The following NOPCHAP1 variants were observed in gnomAD, a reference collection of about 807,000 sequenced individuals.
The protein encoded by NOPCHAP1 is DNA damage-sensitive RNA 1.
In NOPCHAP1, 13 loss-of-function variants were observed where a neutral mutation model predicts 14.0. That is an observed-to-expected ratio of 0.93 (90% CI 0.60 to 1.47). NOPCHAP1 has a LOEUF of 1.47. Among genes scored for constraint, NOPCHAP1 ranks in the 40% most tolerant of loss-of-function variants. The pLI is 0.00. For synonymous variants in NOPCHAP1, 78 were observed against 78.4 expected (o/e 1.00, Z 0.03); for missense variants, 230 against 226.9 (o/e 1.01, Z -0.09).
chr12:105,011,696 A>G lies in NOPCHAP1; in HGVS notation c.*17000A>G, dbSNP rs1401553817. ...GTAAGGCAGGCCTGGTGGTGACAAA[A>G]TCTCTCAGCATTTGCTTGTCTGTAA... On this transcript the variant is annotated 3_prime_UTR_variant, in exon 4 of 4. Coordinates refer to ENST00000552951, the MANE Select transcript of NOPCHAP1 (RefSeq NM_152318.3). The G allele has an allele frequency of 6.6e-6, 1 of 152,052 alleles. No homozygotes were observed. Among genetic ancestry groups the G allele is most frequent in the African/African-American group, 2.4e-5 (1 of 41,392 alleles). The allele number at this position is 152,052 out of a possible 1,614,324, so 9.4% of individuals were successfully genotyped here. A position where few individuals can be genotyped will look rare whatever the true frequency, so the allele number is the denominator to read the frequency against.
At chr12:104,986,512 A>G in intron 1 of NOPCHAP1, 45 bp downstream of exon 1, 2 of 1,498,292 alleles carry the variant, frequency 1.3e-6, no homozygotes, top group East Asian at 5.0e-5. Flanking sequence ...CGTGCGGCAG[A>G]GGAGGCGCGG....
chr12:104,991,694 T>C lies in NOPCHAP1; in HGVS notation c.203-18T>C. 6.3e-7 allele frequency: 1 copy of C among 1,582,608 alleles called. No individual in the cohort carries two copies. Among genetic ancestry groups the C allele is most frequent in the Non-Finnish European group, 8.5e-7 (1 of 1,170,126 alleles). On this transcript the variant is annotated intron_variant, in intron 2 of 3. Coordinates refer to ENST00000552951, the MANE Select transcript of NOPCHAP1 (RefSeq NM_152318.3). The stretch of plus-strand genomic sequence containing the variant: ...TTTACTAGCATAAATGTTGATATGC[T>C]GTATTTACTTTCCACAGTATTGGAC...
At position 105,004,874 on chromosome 12, in the gene NOPCHAP1, A is replaced by C. The variant is rs1873676408; in HGVS notation, c.*10178A>C. On this transcript the variant is annotated 3_prime_UTR_variant, in exon 4 of 4. Coordinates refer to ENST00000552951, the MANE Select transcript of NOPCHAP1 (RefSeq NM_152318.3). ...AGCCTTAGTGAAACATAAATAGTTA[A>C]CACATATTGTATATGTTATATGTAT... The C allele has an allele frequency of 6.6e-6, 1 of 152,220 alleles. No homozygotes were observed. The highest frequency in any genetic ancestry group is 2.1e-4 in the South Asian group (1 of 4,834). The allele number at this position is 152,220 out of a possible 1,614,324, so 9.4% of individuals were successfully genotyped here.
rs890057140 is a variant in NOPCHAP1, at chr12:105,008,248, G to T, written c.*13552G>T. On this transcript the variant is annotated 3_prime_UTR_variant, in exon 4 of 4. Transcript: ENST00000552951. ...CATTTCTCTAATAACCAGTGATGAT[G>T]AGCTTTTTTCATGTTTGTTGGCCGC... 2.6e-5 allele frequency: 4 copies of T among 152,198 alleles called. No individual in the cohort carries two copies. Among genetic ancestry groups the T allele is most frequent in the African/African-American group, 9.6e-5 (4 of 41,452 alleles). 9.4% of individuals were successfully genotyped at this position (152,198 alleles called of 1,614,324 possible).
At chr12:104,991,544 C>T (rs1205463670) in intron 2 of NOPCHAP1, among the ~76,000 whole-genome samples, 168 bp from the exon 3 acceptor site, 1 of 152,016 alleles carries the variant, frequency 6.6e-6, no homozygotes, top group African/African-American at 2.4e-5. Flanking sequence ...ATTGTGTAGT[C>T]CTACTGTTTT....
rs965139711 is a variant in NOPCHAP1, at chr12:105,010,177, C to T, written c.*15481C>T. 3 of 152,092 alleles carry T rather than the reference C, an allele frequency of 2.0e-5. No individual in the cohort carries two copies. Among genetic ancestry groups the T allele is most frequent in the Non-Finnish European group, 4.4e-5 (3 of 68,024 alleles). The allele number at this position is 152,092 out of a possible 1,614,324, so 9.4% of individuals were successfully genotyped here. A position where few individuals can be genotyped will look rare whatever the true frequency, so the allele number is the denominator to read the frequency against. ...GGTCTATTCAGGGATTCAACGTTTT[C>T]CTGGTTTAATCTTGGGAGAGTGTAT... is the stretch of plus-strand genomic sequence containing the variant. On this transcript the variant is annotated 3_prime_UTR_variant, in exon 4 of 4. Coordinates refer to ENST00000552951, the MANE Select transcript of NOPCHAP1 (RefSeq NM_152318.3).
rs990298930 is a variant in NOPCHAP1 at position 105,010,823 on chromosome 12, G to A, written c.*16127G>A. ...CTTAATCCTGAGTTTTAATTTGATT[G>A]CACTGTGGTCTGAGAGACCATTTGT... On this transcript the variant is annotated 3_prime_UTR_variant, in exon 4 of 4. Coordinates refer to ENST00000552951, the MANE Select transcript of NOPCHAP1 (RefSeq NM_152318.3). 7 of 152,146 alleles carry A rather than the reference G, an allele frequency of 4.6e-5. No individual in the cohort carries two copies. The highest frequency in any genetic ancestry group is 1.7e-4 in the African/African-American group (7 of 41,434). 9.4% of individuals were successfully genotyped at this position (152,146 alleles called of 1,614,324 possible).
chr12:104,996,019 A>T lies in NOPCHAP1; in HGVS notation c.*1323A>T, dbSNP rs187502446. The T allele has an allele frequency of 6.6e-6, 1 of 151,986 alleles. No homozygotes were observed. Among genetic ancestry groups the T allele is most frequent in the African/African-American group, 2.4e-5 (1 of 41,394 alleles). The allele number at this position is 151,986 out of a possible 1,614,324, so 9.4% of individuals were successfully genotyped here. The stretch of plus-strand genomic sequence containing the variant: ...TAGCTTATCTTTATTTTCTTCATCT[A>T]TTCCAAGGTTGGTGCAAATTTCAAT... On this transcript the variant is annotated 3_prime_UTR_variant, in exon 4 of 4. Coordinates refer to ENST00000552951, the MANE Select transcript of NOPCHAP1 (RefSeq NM_152318.3).
rs1252974098 is a variant in NOPCHAP1 at position 105,009,244 on chromosome 12, T to G, written c.*14548T>G. ...TTATTATCTTTGTAGCAATTGTGAA[T>G]GGTAGTTCACTCATGATTTGGCTCT... On this transcript the variant is annotated 3_prime_UTR_variant, in exon 4 of 4. Transcript: ENST00000552951. 6.6e-6 allele frequency: 1 copy of G among 152,240 alleles called. No homozygotes were observed. Among genetic ancestry groups the G allele is most frequent in the Non-Finnish European group, 1.5e-5 (1 of 68,044 alleles). The allele number at this position is 152,240 out of a possible 1,614,324, so 9.4% of individuals were successfully genotyped here.
At position 104,999,054 on chromosome 12, in the gene NOPCHAP1, T is replaced by TG. The variant is rs1873556116; in HGVS notation, c.*4362dup. 6.6e-6 allele frequency: 1 copy of TG among 152,638 alleles called. No homozygotes were observed. The highest frequency in any genetic ancestry group is 2.1e-4 in the South Asian group (1 of 4,816). The allele number at this position is 152,638 out of a possible 1,614,324, so 9.5% of individuals were successfully genotyped here. Reference sequence around the variant, plus strand: ...GCTGGTGGCAGTGTTGGTGTCGGAGTGGGGTACTGGTGGTCTCCGTACCTG... The same window carrying TG: ...GCTGGTGGCAGTGTTGGTGTCGGAGTGGGGGTACTGGTGGTCTCCGTACCTG... On this transcript the variant is annotated 3_prime_UTR_variant, in exon 4 of 4. Transcript: ENST00000552951.
rs1873664865 is a variant in NOPCHAP1, at chr12:105,004,275, A to C, written c.*9579A>C. ...ATTTCAGAAACATCAATTTTATTTT[A>C]AAGTAAAAATAAAGGCCAGGTGCGG... On this transcript the variant is annotated 3_prime_UTR_variant, in exon 4 of 4. Coordinates refer to ENST00000552951, the MANE Select transcript of NOPCHAP1 (RefSeq NM_152318.3). 1.3e-5 allele frequency: 2 copies of C among 152,166 alleles called. No individual in the cohort carries two copies. The highest frequency in any genetic ancestry group is 1.3e-4 in the Admixed American group (2 of 15,268). The allele number at this position is 152,166 out of a possible 1,614,324, so 9.4% of individuals were successfully genotyped here. A position where few individuals can be genotyped will look rare whatever the true frequency, so the allele number is the denominator to read the frequency against.
rs958951989 is a variant in NOPCHAP1, at chr12:105,010,008, T to C, written c.*15312T>C. On this transcript the variant is annotated 3_prime_UTR_variant, in exon 4 of 4. Coordinates refer to ENST00000552951, the MANE Select transcript of NOPCHAP1 (RefSeq NM_152318.3). ...TGAATTAGGGAGGAGTCCCTCTTTT[T>C]CTATTGTTGGGAATAGTTTCAGAAG... The C allele has an allele frequency of 1.3e-5, 2 of 151,186 alleles. No individual in the cohort carries two copies. Among genetic ancestry groups the C allele is most frequent in the Admixed American group, 6.6e-5 (1 of 15,206 alleles). 9.4% of individuals were successfully genotyped at this position (151,186 alleles called of 1,614,324 possible).
At position 104,994,696 on chromosome 12, in the gene NOPCHAP1, G is replaced by C; in HGVS notation, c.558G>C (p.Ter186TyrextTer56). The C allele has an allele frequency of 6.3e-7, 1 of 1,597,698 alleles. No individual in the cohort carries two copies. The highest frequency in any genetic ancestry group is 2.2e-5 in the East Asian group (1 of 44,774). The part of the protein sequence containing the change: ...LDSPASKKKK[*>Y] ...GTCCAGCAAGTAAAAAAAAGAAATA[G>C]TCAAATAAATTATCTGAAAAGAAAC... The change falls in exon 4 of 4, where the codon TAG (stop) becomes TAC (tyrosine). Residue 186 changes from the stop codon to tyrosine (Y), a stop_lost. Coordinates refer to ENST00000552951, the MANE Select transcript of NOPCHAP1 (RefSeq NM_152318.3).
In NOPCHAP1 at chr12:104,986,407, G is replaced by C. The variant is rs117368247; in HGVS notation, c.55G>C (p.Asp19His). ...ASPSCSSPTR[D>H]SSGVPVSKEL... ...CCCGAGTTGTTCGTCGCCCACCCGG[G>C]ATTCCTCAGGAGTCCCAGTGTCCAA... is the stretch of plus-strand genomic sequence containing the variant. Residue 19 changes from aspartate to histidine, a missense_variant, in exon 1 of 4, where the codon GAT becomes CAT. Asp to His is a moderately conservative substitution (Grantham distance 81, BLOSUM62 -1). Transcript: ENST00000552951. The C allele has an allele frequency of 0.022, 35,709 of 1,611,658 alleles. 438 individuals carry two copies. The highest frequency in any genetic ancestry group is 0.025 in the Non-Finnish European group (29,593 of 1,179,056).
At position 104,994,877 on chromosome 12, in the gene NOPCHAP1, C is replaced by A; in HGVS notation, c.*181C>A. Reference sequence around the variant, plus strand: ...AAAGAATGATTAATGAGTTAGGTAGCATTGTAAACTGAAAGGGGTTCAGAG... The same window carrying A: ...AAAGAATGATTAATGAGTTAGGTAGAATTGTAAACTGAAAGGGGTTCAGAG... On this transcript the variant is annotated 3_prime_UTR_variant, in exon 4 of 4. Coordinates refer to ENST00000552951, the MANE Select transcript of NOPCHAP1 (RefSeq NM_152318.3). The A allele has an allele frequency of 1.7e-6, 1 of 601,948 alleles. No individual in the cohort carries two copies. Among genetic ancestry groups the A allele is most frequent in the Non-Finnish European group, 2.9e-6 (1 of 346,494 alleles). The allele number at this position is 601,948 out of a possible 1,614,324, so 37.3% of individuals were successfully genotyped here.
chr12:105,011,985 G>C lies in NOPCHAP1; in HGVS notation c.*17289G>C, dbSNP rs918490926. On this transcript the variant is annotated 3_prime_UTR_variant, in exon 4 of 4. Coordinates refer to ENST00000552951, the MANE Select transcript of NOPCHAP1 (RefSeq NM_152318.3). ...TATGTGTCTTGGGGTTGCTCTTCTCGAGGAATATCTTCATGGTGTTCTCTG... is the reference window on the plus strand; with the variant it reads ...TATGTGTCTTGGGGTTGCTCTTCTCCAGGAATATCTTCATGGTGTTCTCTG... The C allele has an allele frequency of 6.6e-6, 1 of 152,032 alleles. No individual in the cohort carries two copies. Among genetic ancestry groups the C allele is most frequent in the African/African-American group, 2.4e-5 (1 of 41,370 alleles). The allele number at this position is 152,032 out of a possible 1,614,324, so 9.4% of individuals were successfully genotyped here.
rs930693664 is a variant in NOPCHAP1 at position 105,013,653 on chromosome 12, G to A, written c.*18957G>A. The A allele has an allele frequency of 9.8e-5, 15 of 152,442 alleles. No homozygotes were observed. The highest frequency in any genetic ancestry group is 1.5e-4 in the Non-Finnish European group (10 of 68,232). 9.4% of individuals were successfully genotyped at this position (152,442 alleles called of 1,614,324 possible). On this transcript the variant is annotated 3_prime_UTR_variant, in exon 4 of 4. Coordinates refer to ENST00000552951, the MANE Select transcript of NOPCHAP1 (RefSeq NM_152318.3). ...TCCTGGTCTGCGGGTTGTGAAGACC[G>A]TGGGAAAAGCATAGTATCTGGGCCG...
At position 105,015,658 on chromosome 12, in the gene NOPCHAP1, C is replaced by T. The variant is rs935968108; in HGVS notation, c.*20962C>T. ...TGCTTATGCACGCTGTATATGTTACCCACCGTTTAGTCACTTAGCAGCCAT... is the reference window on the plus strand; with the variant it reads ...TGCTTATGCACGCTGTATATGTTACTCACCGTTTAGTCACTTAGCAGCCAT... On this transcript the variant is annotated 3_prime_UTR_variant, in exon 4 of 4. Transcript: ENST00000552951. The T allele has an allele frequency of 2.0e-5, 3 of 152,140 alleles. No individual in the cohort carries two copies. The highest frequency in any genetic ancestry group is 4.4e-5 in the Non-Finnish European group (3 of 68,038). The allele number at this position is 152,140 out of a possible 1,614,324, so 9.4% of individuals were successfully genotyped here.
chr12:104,992,470 C>G, intron 3 of NOPCHAP1, among the ~76,000 whole-genome samples: 1 of 152,226 alleles, frequency 6.6e-6, no homozygotes, highest in East Asian at 1.9e-4. Flanking sequence ...CCTGCGTTCA[C>G]TGTGCCTTCC....
Sources: gnomAD v4.1 joint callset for allele counts (sites outside exome capture counted in the v4.1 genomes callset) on GRCh38, gnomAD v4.1.1 for gene constraint, MANE v1.5 for transcripts, NCBI Gene and HGNC (gene_info 2026-07-23, HGNC 2026-07-21) for gene names.